The following CAPS2 variants were observed in gnomAD, a reference collection of about 807,000 sequenced individuals.
CAPS2 encodes the protein calcyphosine 2.
In CAPS2, 98 loss-of-function variants were observed where a neutral mutation model predicts 86.5. That is an observed-to-expected ratio of 1.13 (90% CI 0.96 to 1.34). The LOEUF (loss-of-function observed/expected upper bound fraction) is 1.34. Among genes scored for constraint, CAPS2 ranks in the 40% most tolerant of loss-of-function variants. The pLI, the probability that CAPS2 is intolerant of heterozygous loss-of-function variation, is 0.00. For synonymous variants in CAPS2, 210 were observed against 225.1 expected (o/e 0.93, Z 0.60); for missense variants, 729 against 686.8 (o/e 1.06, Z -0.69).
chr12:75,321,938 T>C (rs545236030), intron 4 of CAPS2, among the ~76,000 whole-genome samples: 1 of 152,262 alleles, frequency 6.6e-6, no homozygotes, highest in Admixed American at 6.5e-5. Flanking sequence ...ATTTTTTTCA[T>C]AATAGATAGA....
chr12:75,317,517 C>T (rs948009079), intron 5 of CAPS2, among the ~76,000 whole-genome samples: 7 of 152,102 alleles, frequency 4.6e-5, no homozygotes, highest in Non-Finnish European at 1.5e-5. Flanking sequence ...TTTGTGTCAG[C>T]TTGTTTTCAA....
chr12:75,378,887 A>G (rs2044803256), intron 1 of CAPS2, among the ~76,000 whole-genome samples: 1 of 152,192 alleles, frequency 6.6e-6, no homozygotes, highest in South Asian at 2.1e-4. Flanking sequence ...ATTTTTAGTA[A>G]CGTAAGCTTT....
At chr12:75,390,664 C>A (rs576487705) in intron 1 of CAPS2, among the ~76,000 whole-genome samples, 4 of 152,284 alleles carry the variant, frequency 2.6e-5, no homozygotes, top group African/African-American at 9.6e-5. Flanking sequence ...GTATCTGTAT[C>A]GCAGAAAAAT....
At chr12:75,280,739 C>T (rs1178382402) in intron 16 of CAPS2, among the ~76,000 whole-genome samples, 1 of 151,712 alleles carries the variant, frequency 6.6e-6, no homozygotes, top group East Asian at 1.9e-4. Flanking sequence ...GTAAATCAAA[C>T]TATTTCGACA....
chr12:75,377,999 T>C (rs2044750571), intron 1 of CAPS2, among the ~76,000 whole-genome samples: 1 of 152,028 alleles, frequency 6.6e-6, no homozygotes, highest in South Asian at 2.1e-4. Flanking sequence ...GGGTGATTGA[T>C]ACTTTTTTTT....
intron 1 of CAPS2, among the ~76,000 whole-genome samples, chr12:75,353,986 G>C (rs1282204901): frequency 1.3e-5 from 2 of 151,940 alleles, no homozygotes; most frequent in Non-Finnish European, 2.9e-5. Context: ...AATTGAAGGA[G>C]CATACATCAA....
intron 1 of CAPS2, chr12:75,370,290 A>G (rs1468845822): frequency 3.4e-6 from 2 of 588,044 alleles, no homozygotes; most frequent in South Asian, 2.4e-5. Context: ...CTCTTGCCTG[A>G]TACCTAAATT....
chr12:75,367,014 G>GT (rs1214213644), intron 1 of CAPS2: 2 of 701,238 alleles, frequency 2.9e-6, no homozygotes, highest in Admixed American at 2.0e-5. Flanking sequence ...AGCTGAGGAG[G>GT]TAAGTCTCTC....
At chr12:75,382,398 G>A (rs576766817) in intron 1 of CAPS2, among the ~76,000 whole-genome samples, 2 of 152,264 alleles carry the variant, frequency 1.3e-5, no homozygotes, top group African/African-American at 4.8e-5. Flanking sequence ...CCAGCACTTT[G>A]GGAGGCCAAG....
At position 75,280,389 on chromosome 12, in the gene CAPS2, C is replaced by T. The variant is rs1049536689; in HGVS notation, c.1613-1324G>A. 2.2e-4 allele frequency among the ~76,000 whole-genome samples: 34 copies of T among 151,690 alleles called. 2 individuals carry two copies. The highest frequency in any genetic ancestry group is 1.3e-4 in the Admixed American group (2 of 15,208). ...TTTTCTTCTATTTAGGAATATTTAG[C>T]TTGCCTGTTGTCATTTTTAATATGA... On this transcript the variant is annotated intron_variant, in intron 16 of 16. Transcript: ENST00000393284.
At chr12:75,360,568 A>G (rs1003435359) in intron 1 of CAPS2, 1 of 152,250 alleles carries the variant, frequency 6.6e-6, no homozygotes, top group Non-Finnish European at 1.5e-5. Flanking sequence ...CATGTCTCAT[A>G]TCGGGGGCAT....
chr12:75,357,687 A>G (rs1001423020), intron 1 of CAPS2, among the ~76,000 whole-genome samples: 3 of 152,124 alleles, frequency 2.0e-5, no homozygotes, highest in Admixed American at 6.5e-5. Context: ...ATTAAATTAC[A>G]AATTAACAGA....
At chr12:75,331,137 C>T (rs1043976860), upstream of CAPS2, among the ~76,000 whole-genome samples, 3 of 152,020 alleles carry the variant, frequency 2.0e-5, no homozygotes, top group African/African-American at 7.3e-5. Context: ...AACTCCTCAT[C>T]TATAAAGGGA....
At chr12:75,330,859 A>G (rs1301105966), upstream of CAPS2, among the ~76,000 whole-genome samples, 1 of 150,974 alleles carries the variant, frequency 6.6e-6, no homozygotes, top group African/African-American at 2.4e-5. Flanking sequence ...ATCTCGACTC[A>G]CTGCAACCTC....
intron 1 of CAPS2, chr12:75,390,747 T>C: frequency 4.1e-6 from 2 of 489,088 alleles, no homozygotes; most frequent in Admixed American, 4.6e-5. Context: ...TACAAACTGA[T>C]GACTCATTAA....
At chr12:75,365,984 C>T (rs2043937183) in intron 1 of CAPS2, among the ~76,000 whole-genome samples, 1 of 151,958 alleles carries the variant, frequency 6.6e-6, no homozygotes, top group Non-Finnish European at 1.5e-5. Flanking sequence ...ATAATATTTG[C>T]CAGGGATAAA....
At chr12:75,318,728 T>C (rs1183634377) in intron 5 of CAPS2, among the ~76,000 whole-genome samples, 1 of 152,164 alleles carries the variant, frequency 6.6e-6, no homozygotes. Flanking sequence ...CCATGTGTCA[T>C]ACAAGCTGGG....
intron 14 of CAPS2, among the ~76,000 whole-genome samples, chr12:75,285,317 T>C (rs1593211218): frequency 6.6e-6 from 1 of 152,054 alleles, no homozygotes; most frequent in African/African-American, 2.4e-5. Flanking sequence ...GCTCACAAAT[T>C]TACTTTTTTA....
intron 7 of CAPS2, among the ~76,000 whole-genome samples, chr12:75,308,560 G>A (rs1224025128): frequency 6.6e-6 from 1 of 152,002 alleles, no homozygotes; most frequent in Non-Finnish European, 1.5e-5. Flanking sequence ...CAAAGAACCT[G>A]GACACCCTCC....
Sources: allele counts gnomAD v4.1 joint callset (sites outside exome capture counted in the v4.1 genomes callset), GRCh38; gene constraint gnomAD v4.1.1; transcripts MANE v1.5; gene names NCBI Gene and HGNC (gene_info 2026-07-23, HGNC 2026-07-21).